The following SLC38A4 variants were observed in gnomAD, a reference collection of about 807,000 sequenced individuals.
The protein encoded by SLC38A4 is solute carrier family 38 member 4.
Under a neutral mutation model 63.1 loss-of-function variants are expected in SLC38A4, and 20 were observed. That is an observed-to-expected ratio of 0.32 (90% CI 0.22 to 0.46). SLC38A4 has a LOEUF of 0.46. Ranked by LOEUF, SLC38A4 falls within the 20% of genes least tolerant of loss-of-function variation. The probability of loss-of-function intolerance (pLI) is 1.00; values close to 1 mark genes in which losing one functional copy is unlikely to be tolerated. For synonymous variants in SLC38A4, 230 were observed against 225.5 expected (o/e 1.02, Z -0.18); for missense variants, 526 against 663.6 (o/e 0.79, Z 2.28).
chr12:46,772,674 G>GA (rs1439940400), intron 14 of SLC38A4, among the ~76,000 whole-genome samples: 1 of 151,792 alleles, frequency 6.6e-6, no homozygotes, highest in East Asian at 1.9e-4. Context: ...TACTAAAAAG[G>GA]AAAAAACTAA....
chr12:46,775,325 C>T (rs1938500703), intron 13 of SLC38A4, 152 bp from the exon 14 acceptor site: 1 of 814,312 alleles, frequency 1.2e-6, no homozygotes, highest in South Asian at 2.4e-5. Flanking sequence ...AGCTCATTAG[C>T]TATGCAACCT....
At chr12:46,775,290 C>A (rs779286490) in intron 13 of SLC38A4, 117 bp from the exon 14 acceptor site, 2 of 1,264,070 alleles carry the variant, frequency 1.6e-6, no homozygotes, top group Admixed American at 2.7e-5. Flanking sequence ...GCCTGGGAAT[C>A]CAGGCACCTC....
chr12:46,822,563 G>A (rs1301823402), intron 1 of SLC38A4, among the ~76,000 whole-genome samples: 2 of 152,038 alleles, frequency 1.3e-5, no homozygotes, highest in African/African-American at 2.4e-5. Flanking sequence ...CATCACCACT[G>A]GGCACCTACT....
At chr12:46,793,706 G>C (rs190203632) in intron 2 of SLC38A4, among the ~76,000 whole-genome samples, 1 of 152,260 alleles carries the variant, frequency 6.6e-6, no homozygotes, top group East Asian at 1.9e-4. Context: ...TGAGGATCAA[G>C]TTTAGGAAGT....
intron 1 of SLC38A4, among the ~76,000 whole-genome samples, chr12:46,813,498 A>G (rs1176648135): frequency 6.6e-6 from 1 of 151,954 alleles, no homozygotes; most frequent in Non-Finnish European, 1.5e-5. Flanking sequence ...GCTGCCTAGG[A>G]GCTGAGAGAC....
chr12:46,772,097 G>A (rs1289263315), intron 14 of SLC38A4, among the ~76,000 whole-genome samples: 1 of 151,112 alleles, frequency 6.6e-6, no homozygotes, highest in Non-Finnish European at 1.5e-5. Flanking sequence ...AAAATGTGGA[G>A]GCACAGGAGG....
chr12:46,785,235 T>A (rs1484945664), intron 5 of SLC38A4, 58 bp from the exon 6 acceptor site: 2 of 1,297,774 alleles, frequency 1.5e-6, no homozygotes, highest in Non-Finnish European at 2.2e-6. Context: ...AATGTAATTA[T>A]GTTAGATGTT....
rs142690867 is a variant in SLC38A4, at chr12:46,823,639, G to A, written c.-305+2264C>T. 1.1e-4 allele frequency among the ~76,000 whole-genome samples: 17 copies of A among 152,306 alleles called. No individual in the cohort carries two copies. The East Asian group carries it at 1.2e-3, about 10-fold the overall frequency. ...GTCAGGGCTCCAGACTGACTGTTTC[G>A]TTCTGTGAATTGACAATATGTCTCT... On this transcript the variant is annotated intron_variant, in intron 1 of 16. Coordinates refer to ENST00000266579, the MANE Select transcript of SLC38A4 (RefSeq NM_018018.5).
At chr12:46,819,325 T>G (rs538182385) in intron 1 of SLC38A4, among the ~76,000 whole-genome samples, 1 of 151,386 alleles carries the variant, frequency 6.6e-6, no homozygotes, top group South Asian at 2.1e-4. Context: ...AGAGAGAATA[T>G]GAGAAATAAA....
intron 5 of SLC38A4, among the ~76,000 whole-genome samples, 174 bp downstream of exon 5, chr12:46,787,742 T>C (rs767830085): frequency 5.3e-5 from 8 of 152,174 alleles, no homozygotes; most frequent in Non-Finnish European, 8.8e-5. Context: ...CTTTGGTTGA[T>C]TGAGCACATA....
intron 1 of SLC38A4, among the ~76,000 whole-genome samples, chr12:46,813,312 T>C (rs1292547374): frequency 6.6e-6 from 1 of 152,068 alleles, no homozygotes; most frequent in Non-Finnish European, 1.5e-5. Context: ...CTTTATTTTC[T>C]GTTCAAATGA....
At chr12:46,783,109 A>G (rs1475219862) in intron 7 of SLC38A4, among the ~76,000 whole-genome samples, 1 of 148,102 alleles carries the variant, frequency 6.8e-6, no homozygotes, top group African/African-American at 2.5e-5. Flanking sequence ...GTAGCCTGTG[A>G]AAAGAAGGCA....
At chr12:46,803,316 C>T (rs746239492) in intron 2 of SLC38A4, among the ~76,000 whole-genome samples, 3 of 152,006 alleles carry the variant, frequency 2.0e-5, no homozygotes, top group Non-Finnish European at 4.4e-5. Context: ...TAACTAAACA[C>T]ATTTTACCGG....
Position 46,815,193 on chromosome 12 carries a change from T to C in SLC38A4, c.-305+10710A>G, listed in dbSNP as rs181428343. ...ATATGAGATAGTATACTGTATTAAC[T>C]AGATTTTTGGGCAAAATGACTTTTC... On this transcript the variant is annotated intron_variant, in intron 1 of 16. Transcript: ENST00000266579. Among the ~76,000 whole-genome samples, 4 of 148,618 alleles carry C rather than the reference T, an allele frequency of 2.7e-5. No individual in the cohort carries two copies. In the Admixed American group the frequency reaches 2.7e-4, roughly 10 times the overall value.
intron 14 of SLC38A4, among the ~76,000 whole-genome samples, chr12:46,774,081 G>A (rs1465003555): frequency 1.3e-5 from 2 of 152,000 alleles, no homozygotes; most frequent in Non-Finnish European, 1.5e-5. Context: ...AGATATATTA[G>A]AGGCAAGACA....
intron 5 of SLC38A4, among the ~76,000 whole-genome samples, chr12:46,786,066 C>A (rs977411640): frequency 6.6e-6 from 1 of 151,962 alleles, no homozygotes; most frequent in Admixed American, 6.6e-5. Context: ...AATTTTATAA[C>A]CCCTGTAGCT....
intron 16 of SLC38A4, 151 bp downstream of exon 16, chr12:46,768,159 C>G: frequency 1.9e-6 from 1 of 540,318 alleles, no homozygotes; most frequent in Non-Finnish European, 3.3e-6. Context: ...AGAAATATGT[C>G]CCCTTTCTCT....
At chr12:46,774,908 C>A in intron 14 of SLC38A4, 141 bp downstream of exon 14, 2 of 978,856 alleles carry the variant, frequency 2.0e-6, no homozygotes, top group Non-Finnish European at 2.9e-6. Flanking sequence ...TTTTAAGTGA[C>A]TCAAAATGCT....
intron 8 of SLC38A4, 37 bp from the exon 9 acceptor site, chr12:46,779,899 G>A (rs1388269715): frequency 2.5e-6 from 4 of 1,608,972 alleles, no homozygotes; most frequent in Non-Finnish European, 3.4e-6. Context: ...AATCAGAAAA[G>A]ACCAAGTAGA....
Sources: allele counts gnomAD v4.1 joint callset (sites outside exome capture counted in the v4.1 genomes callset), GRCh38; gene constraint gnomAD v4.1.1; transcripts MANE v1.5; gene names NCBI Gene and HGNC (gene_info 2026-07-23, HGNC 2026-07-21).